Variants in HIBCH observed in about 807,000 individuals in gnomAD.
HIBCH encodes 3-hydroxyisobutyryl-CoA hydrolase.
In HIBCH, 50 loss-of-function variants were observed where a neutral mutation model predicts 58.2. The observed-to-expected ratio is 0.86, with a 90% confidence interval of 0.68 to 1.09. The LOEUF (loss-of-function observed/expected upper bound fraction) is 1.09, where lower values mean the gene tolerates loss of function less well. HIBCH is among the 50% of genes least tolerant of loss of function. The pLI is 0.00. For missense variants in HIBCH, 450 were observed against 449.7 expected (o/e 1.00, Z -0.01); for synonymous variants, 151 against 146.9 (o/e 1.03, Z -0.20).
chr2:190,202,451 AAATG>A (rs1690275832), downstream of HIBCH: 2 of 165,192 alleles, frequency 1.2e-5, no homozygotes. Context: ...AAAGATGAAT[AAATG>A]AATAAGAGAG....
At chr2:190,232,740 C>T (rs536050033) in intron 11 of HIBCH, among the ~76,000 whole-genome samples, 34 of 152,210 alleles carry the variant, frequency 2.2e-4, no homozygotes, top group Non-Finnish European at 4.3e-4. Context: ...AGGTGGATCC[C>T]GAGGTCAGGA....
rs149744820 is a variant in HIBCH, at chr2:190,190,117, G to A, written c.*18-120C>T. 3.9e-5 allele frequency: 6 copies of A among 152,232 alleles called. No homozygotes were observed. The East Asian group carries it at 1.2e-3, about 29-fold the overall frequency. The allele number at this position is 152,232 out of a possible 1,614,324, so 9.4% of individuals were successfully genotyped here. A position where few individuals can be genotyped will look rare whatever the true frequency, so the allele number is the denominator to read the frequency against. On this transcript the variant is annotated intron_variant, in intron 1 of 1. Coordinates refer to the HIBCH transcript ENST00000399855. ...TGAAATACAGTAAACAGATGTTAAA[G>A]GTACAATCTAACATGTTTTAACATA...
intron 1 of HIBCH, 112 bp downstream of exon 1, chr2:190,319,604 C>A: frequency 1.1e-6 from 1 of 922,038 alleles, no homozygotes; most frequent in Non-Finnish European, 1.8e-6. Flanking sequence ...ACAGCGGCGC[C>A]TCTGAGCGCG....
At chr2:190,295,857 G>T (rs1688090821) in intron 3 of HIBCH, among the ~76,000 whole-genome samples, 1 of 152,152 alleles carries the variant, frequency 6.6e-6, no homozygotes, top group African/African-American at 2.4e-5. Context: ...GTAGCCAGGG[G>T]AAAACTAGTA....
chr2:190,271,542 C>T (rs1167890399), intron 6 of HIBCH, among the ~76,000 whole-genome samples: 10 of 151,810 alleles, frequency 6.6e-5, no homozygotes, highest in Non-Finnish European at 1.3e-4. Flanking sequence ...CCACTGCCTC[C>T]ACCTCCCAAA....
intron 4 of HIBCH, among the ~76,000 whole-genome samples, chr2:190,291,491 A>G (rs1394329895): frequency 6.6e-6 from 1 of 152,220 alleles, no homozygotes; most frequent in Non-Finnish European, 1.5e-5. Flanking sequence ...AGTACCCTAC[A>G]AAGCCTCAAA....
chr2:190,253,864 C>T (rs777643895), intron 7 of HIBCH, among the ~76,000 whole-genome samples: 5 of 152,160 alleles, frequency 3.3e-5, no homozygotes, highest in Non-Finnish European at 5.9e-5. Context: ...TGCCCCAGAG[C>T]CTCAGCAGCA....
chr2:190,217,702 C>T lies in HIBCH; in HGVS notation c.892-4627G>A, dbSNP rs1245569578. Reference sequence around the variant, plus strand: ...CCACTTCCAGGCTGGCAACTCGGTGCTAATTAAAACCTGGAAAGAAGACAT... The same window carrying T: ...CCACTTCCAGGCTGGCAACTCGGTGTTAATTAAAACCTGGAAAGAAGACAT... On this transcript the variant is annotated intron_variant, in intron 11 of 13. Coordinates refer to ENST00000359678, the MANE Select transcript of HIBCH (RefSeq NM_014362.4). This position sits in a 1 kb window ranked among gnomAD's most constrained non-coding sequence, Gnocchi z 4.6. Among the ~76,000 whole-genome samples the T allele has an allele frequency of 6.6e-6, 1 of 152,132 alleles. No homozygotes were observed. Among genetic ancestry groups the T allele is most frequent in the African/African-American group, 2.4e-5 (1 of 41,422 alleles).
At chr2:190,299,608 T>TC (rs1688206026) in intron 2 of HIBCH, among the ~76,000 whole-genome samples, 1 of 152,208 alleles carries the variant, frequency 6.6e-6, no homozygotes, top group Non-Finnish European at 1.5e-5. Flanking sequence ...CACTTTTTTT[T>TC]CACAGATAGA....
chr2:190,282,321 C>T (rs1374861515), intron 6 of HIBCH, among the ~76,000 whole-genome samples: 1 of 152,172 alleles, frequency 6.6e-6, no homozygotes, highest in East Asian at 1.9e-4. Context: ...GATGGTTCTA[C>T]AAGCCAGAAA....
intron 5 of HIBCH, 151 bp downstream of exon 5, chr2:190,290,254 C>G (rs1687926690): frequency 4.5e-6 from 3 of 666,948 alleles, no homozygotes; most frequent in Non-Finnish European, 2.7e-6. Context: ...GAAATAAGCA[C>G]TTAAAATAGT....
chr2:190,245,607 T>C (rs940627403), intron 10 of HIBCH, among the ~76,000 whole-genome samples: 1 of 152,170 alleles, frequency 6.6e-6, no homozygotes, highest in African/African-American at 2.4e-5. Flanking sequence ...TATTTTGTAC[T>C]AAGATGAATT....
intron 7 of HIBCH, among the ~76,000 whole-genome samples, chr2:190,253,066 G>A (rs1686823792): frequency 6.6e-6 from 1 of 152,118 alleles, no homozygotes; most frequent in Non-Finnish European, 1.5e-5. Flanking sequence ...GCGCATGCCT[G>A]TAATCCCAGC....
In HIBCH at chr2:190,197,434, T is replaced by C. The variant is rs1488928012; in HGVS notation, c.*18-7437A>G. Among the ~76,000 whole-genome samples, 3 of 152,210 alleles carry C rather than the reference T, an allele frequency of 2.0e-5. No homozygotes were observed. Among genetic ancestry groups the C allele is most frequent in the African/African-American group, 7.2e-5 (3 of 41,450 alleles). ...TAATCGTTTGCTAACACTTTGCAGA[T>C]CCTTATCCTGGACATGCACATCCCA... On this transcript the variant is annotated intron_variant, in intron 1 of 1. Coordinates refer to the HIBCH transcript ENST00000399855. The surrounding 1 kb of genome is among the most constrained non-coding windows in gnomAD (Gnocchi z 4.0).
intron 10 of HIBCH, among the ~76,000 whole-genome samples, 164 bp downstream of exon 10, chr2:190,245,990 A>AG (rs1491535128): frequency 7.8e-6 from 1 of 128,582 alleles, no homozygotes; most frequent in African/African-American, 3.3e-5. Flanking sequence ...ACTCTGTCTC[A>AG]AAAAAAAAAA....
rs190282279 is a variant in HIBCH, at chr2:190,263,089, T to C, written c.439-1855A>G. Among the ~76,000 whole-genome samples, 743 of 148,324 alleles carry C rather than the reference T, an allele frequency of 5.0e-3. 9 individuals carry two copies. The highest frequency in any genetic ancestry group is 7.2e-3 in the Middle Eastern group (2 of 276). ...ATAGGTTACTTGTAAGCAGCCCTCT[T>C]AACTTCTGAAATTTGATTTTACATT... On this transcript the variant is annotated intron_variant, in intron 6 of 13. Coordinates refer to ENST00000359678, the MANE Select transcript of HIBCH (RefSeq NM_014362.4).
intron 2 of HIBCH, among the ~76,000 whole-genome samples, chr2:190,307,647 CAGCAAG>C (rs1688446422): frequency 6.6e-6 from 1 of 152,012 alleles, no homozygotes; most frequent in Non-Finnish European, 1.5e-5. Context: ...CTGGGCAACA[CAGCAAG>C]ACCTTGTCTC....
At chr2:190,244,301 A>G (rs1344851717) in intron 11 of HIBCH, among the ~76,000 whole-genome samples, 1 of 152,206 alleles carries the variant, frequency 6.6e-6, no homozygotes, top group Non-Finnish European at 1.5e-5. Flanking sequence ...ACGAATGTCA[A>G]TACCTGGTAT....
intron 11 of HIBCH, among the ~76,000 whole-genome samples, chr2:190,235,074 A>G (rs1686228982): frequency 6.6e-6 from 1 of 152,212 alleles, no homozygotes; most frequent in South Asian, 2.1e-4. Context: ...TGAAAACTTA[A>G]GACAAAAGTA....
Sources: gnomAD v4.1 joint callset for allele counts (sites outside exome capture counted in the v4.1 genomes callset) on GRCh38, gnomAD v4.1.1 for gene constraint, Gnocchi (gnomAD v3.1) non-coding constraint, MANE v1.5 for transcripts, NCBI Gene and HGNC (gene_info 2026-07-23, HGNC 2026-07-21) for gene names.